The following ADGRL3 variants were observed in gnomAD, a reference collection of about 807,000 sequenced individuals.
ADGRL3 encodes adhesion G protein-coupled receptor L3.
ADGRL3 carries 62 observed loss-of-function variants against 153.5 expected under a neutral mutation model. That is an observed-to-expected ratio of 0.40 (90% CI 0.33 to 0.50). The LOEUF is 0.50. ADGRL3 is among the 20% of genes least tolerant of loss of function. ADGRL3 has a pLI of 0.47. For missense variants in ADGRL3, 1,641 were observed against 1,859.4 expected (o/e 0.88, Z 2.16); for synonymous variants, 710 against 672.5 (o/e 1.06, Z -0.86).
At chr4:62,053,507 C>T (rs982462361) in intron 25 of ADGRL3, among the ~76,000 whole-genome samples, 4 of 151,484 alleles carry the variant, frequency 2.6e-5, no homozygotes, top group African/African-American at 9.7e-5. Flanking sequence ...TCAGCTACCA[C>T]ATTCATAGAA....
At chr4:61,508,295 A>G (rs1411924701) in intron 3 of ADGRL3, among the ~76,000 whole-genome samples, 1 of 152,208 alleles carries the variant, frequency 6.6e-6, no homozygotes, top group Non-Finnish European at 1.5e-5. Flanking sequence ...CCAGCTATGA[A>G]AGCCAATTAA....
At chr4:61,790,336 C>A (rs2097326703) in intron 8 of ADGRL3, among the ~76,000 whole-genome samples, 2 of 152,122 alleles carry the variant, frequency 1.3e-5, no homozygotes, top group Non-Finnish European at 2.9e-5. Flanking sequence ...GTTGTACATT[C>A]ATTTATGTAT....
intron 4 of ADGRL3, among the ~76,000 whole-genome samples, chr4:61,530,364 C>T (rs1004529026): frequency 2.0e-5 from 3 of 150,026 alleles, no homozygotes; most frequent in African/African-American, 7.4e-5. Context: ...TCTTGCCATA[C>T]AGAAATTGGG....
intron 1 of ADGRL3, among the ~76,000 whole-genome samples, chr4:61,292,955 G>A (rs972275254): frequency 5.9e-5 from 9 of 152,072 alleles, no homozygotes; most frequent in Admixed American, 2.6e-4. Flanking sequence ...TGTCCAATTT[G>A]AGGCCCCAAA....
chr4:61,566,799 A>G (rs1235531699), intron 4 of ADGRL3, among the ~76,000 whole-genome samples: 1 of 152,108 alleles, frequency 6.6e-6, no homozygotes, highest in African/African-American at 2.4e-5. Context: ...ATGCTTATGT[A>G]GTTTTATTGC....
chr4:61,253,669 A>G (rs1432713427), intron 1 of ADGRL3, among the ~76,000 whole-genome samples: 1 of 148,568 alleles, frequency 6.7e-6, no homozygotes, highest in Non-Finnish European at 1.5e-5. Context: ...ATATGTGCAC[A>G]ACTTTGTTTG....
intron 2 of ADGRL3, among the ~76,000 whole-genome samples, chr4:61,486,748 GA>G: frequency 6.6e-6 from 1 of 152,168 alleles, no homozygotes; most frequent in East Asian, 1.9e-4. Flanking sequence ...TTTTATTTGG[GA>G]AAACCTTTCT....
At chr4:61,809,583 T>A (rs1428679784) in intron 8 of ADGRL3, among the ~76,000 whole-genome samples, 1 of 152,106 alleles carries the variant, frequency 6.6e-6, no homozygotes, top group Non-Finnish European at 1.5e-5. Context: ...TATTTAAAAT[T>A]GCTAGCTGCT....
At chr4:61,279,623 C>A (rs2093633676) in intron 1 of ADGRL3, among the ~76,000 whole-genome samples, 1 of 152,090 alleles carries the variant, frequency 6.6e-6, no homozygotes, top group African/African-American at 2.4e-5. Flanking sequence ...GTGATACAAT[C>A]CAATGTGGCT....
intron 24 of ADGRL3, among the ~76,000 whole-genome samples, chr4:62,042,160 G>A (rs1406720411): frequency 6.6e-6 from 1 of 151,872 alleles, no homozygotes; most frequent in African/African-American, 2.4e-5. Flanking sequence ...CCAAGTATAT[G>A]TACCTCAATG....
At chr4:61,311,382 G>T (rs923180628) in intron 1 of ADGRL3, among the ~76,000 whole-genome samples, 2 of 152,140 alleles carry the variant, frequency 1.3e-5, no homozygotes, top group African/African-American at 4.8e-5. Context: ...GGCCAGGTCT[G>T]CTCACATTTT....
At position 61,861,218 on chromosome 4, in the gene ADGRL3, A is replaced by G. The variant is rs187712450; in HGVS notation, c.1481-31438A>G. 9.2e-5 allele frequency among the ~76,000 whole-genome samples: 14 copies of G among 152,280 alleles called. No homozygotes were observed. In the East Asian group the frequency reaches 2.5e-3, roughly 27 times the overall value. On this transcript the variant is annotated intron_variant, in intron 9 of 26. Transcript: ENST00000683033. ...AAGCAAGGATTTGGAAATAAGGCATATATTTGAATTTATATCCAGTGCTTA... is the reference window on the plus strand; with the variant it reads ...AAGCAAGGATTTGGAAATAAGGCATGTATTTGAATTTATATCCAGTGCTTA...
intron 2 of ADGRL3, among the ~76,000 whole-genome samples, chr4:61,469,644 G>C (rs954748300): frequency 1.3e-5 from 2 of 151,950 alleles, no homozygotes; most frequent in Non-Finnish European, 2.9e-5. Flanking sequence ...AAAATATTAG[G>C]ATAGATAAAG....
intron 1 of ADGRL3, among the ~76,000 whole-genome samples, chr4:61,243,042 A>G (rs1303819039): frequency 3.9e-5 from 6 of 152,084 alleles, no homozygotes; most frequent in African/African-American, 1.4e-4. Flanking sequence ...AGGGGAAACA[A>G]TTAATTTCAA....
intron 1 of ADGRL3, among the ~76,000 whole-genome samples, chr4:61,288,345 C>A (rs1185358944): frequency 1.3e-5 from 2 of 149,562 alleles, no homozygotes; most frequent in Admixed American, 6.8e-5. Context: ...CCAAAGTGGT[C>A]CCTGTGATGG....
chr4:61,686,435 G>T (rs139477649), intron 6 of ADGRL3, among the ~76,000 whole-genome samples: 2,847 of 152,052 alleles, frequency 0.019, 75 homozygotes, highest in South Asian at 0.061. Flanking sequence ...TGAATCTTAT[G>T]AAACTAAAAA....
At chr4:61,912,902 C>A in intron 13 of ADGRL3, 145 bp downstream of exon 13, 1 of 726,494 alleles carries the variant, frequency 1.4e-6, no homozygotes, top group Non-Finnish European at 2.3e-6. Context: ...GAACAGAAAG[C>A]ATGAAAGCAT....
chr4:61,232,512 T>A (rs1472176877), intron 1 of ADGRL3, among the ~76,000 whole-genome samples: 1 of 152,138 alleles, frequency 6.6e-6, no homozygotes, highest in Non-Finnish European at 1.5e-5. Flanking sequence ...TTTCACCATG[T>A]TGGCCAGGCT....
At chr4:61,261,547 T>C (rs1037223334) in intron 1 of ADGRL3, among the ~76,000 whole-genome samples, 5 of 152,136 alleles carry the variant, frequency 3.3e-5, no homozygotes, top group Admixed American at 6.5e-5. Flanking sequence ...CAATTGTATT[T>C]TGACATCTGC....
Sources: allele counts gnomAD v4.1 joint callset (sites outside exome capture counted in the v4.1 genomes callset), GRCh38; gene constraint gnomAD v4.1.1; transcripts MANE v1.5; gene names NCBI Gene and HGNC (gene_info 2026-07-23, HGNC 2026-07-21).